The following CDH6 variants were observed in gnomAD, a reference collection of about 807,000 sequenced individuals.
The protein encoded by CDH6 is cadherin-6.
A neutral mutation model predicts 78.0 loss-of-function variants in CDH6; 31 were observed. The ratio of observed to expected loss-of-function variants is 0.40; its 90% CI spans 0.30 to 0.54. The LOEUF is 0.54. Among genes scored for constraint, CDH6 ranks in the 20% least tolerant of loss-of-function variants. The pLI is 0.56. For synonymous variants in CDH6, 376 were observed against 368.8 expected (o/e 1.02, Z -0.23); for missense variants, 724 against 975.9 (o/e 0.74, Z 3.44).
intron 1 of CDH6, among the ~76,000 whole-genome samples, chr5:31,258,767 CA>C (rs1742127497): frequency 6.6e-6 from 1 of 152,126 alleles, no homozygotes; most frequent in African/African-American, 2.4e-5. Flanking sequence ...AGTTTTGTAA[CA>C]ACTCTTTTTA....
At chr5:31,319,905 G>A (rs1014167934) in intron 11 of CDH6, among the ~76,000 whole-genome samples, 8 of 152,160 alleles carry the variant, frequency 5.3e-5, no homozygotes, top group African/African-American at 1.9e-4. Context: ...TGGGCACTGT[G>A]CTATTAATTT....
intron 11 of CDH6, chr5:31,318,899 T>G: frequency 4.4e-6 from 1 of 225,394 alleles, no homozygotes. Flanking sequence ...CTAGCGCTCC[T>G]TCACGCTCCA....
At chr5:31,284,652 C>G (rs940723211) in intron 2 of CDH6, among the ~76,000 whole-genome samples, 1 of 152,178 alleles carries the variant, frequency 6.6e-6, no homozygotes, top group Non-Finnish European at 1.5e-5. Context: ...GAAGACATAG[C>G]CAGACCTCGA....
chr5:31,291,918 T>C (rs1475792399), intron 2 of CDH6, among the ~76,000 whole-genome samples: 3 of 152,222 alleles, frequency 2.0e-5, no homozygotes, highest in Admixed American at 1.3e-4. Flanking sequence ...TCTGCCAAAT[T>C]GCTTTCAAGA....
At position 31,210,396 on chromosome 5, in the gene CDH6, C is replaced by A. The variant is rs562636419; in HGVS notation, c.-129+16510C>A. Among the ~76,000 whole-genome samples the A allele has an allele frequency of 2.6e-5, 4 of 152,184 alleles. No individual in the cohort carries two copies. The South Asian group carries it at 6.2e-4, about 24-fold the overall frequency. On this transcript the variant is annotated intron_variant, in intron 1 of 11. Transcript: ENST00000265071. ...GTGCGTGCCTGTAATCCCAGCTACT[C>A]AGGAGGCTGAGGCAGGAGAATCCCT...
Position 31,316,257 on chromosome 5 carries a change from T to C in CDH6, c.1440T>C (p.Asp480=). The C allele has an allele frequency of 6.2e-7, 1 of 1,613,422 alleles. No homozygotes were observed. Among genetic ancestry groups the C allele is most frequent in the Non-Finnish European group, 8.5e-7 (1 of 1,179,466 alleles). ...TACCTCTATATATTAAAGTTCTAGA[T>C]GTCAATGACAACGCCCCAGAATTTG... is the stretch of plus-strand genomic sequence containing the variant. ...SRVPLYIKVL[D]VNDNAPEFAE... Residue 480 remains aspartate, a synonymous_variant, in exon 9 of 12, where the codon GAT becomes GAC. Coordinates refer to ENST00000265071, the MANE Select transcript of CDH6 (RefSeq NM_004932.4).
rs376956976 is a variant in CDH6, at chr5:31,316,296, A to T, written c.1479A>T (p.Glu493Asp). The T allele has an allele frequency of 3.7e-6, 6 of 1,613,502 alleles. No homozygotes were observed. In the African/African-American group the frequency reaches 8.0e-5, roughly 22 times the overall value. Residue 493 changes from glutamate (E) to aspartate (D), a missense_variant, in exon 9 of 12, where the codon GAA (glutamate) becomes GAT (aspartate). Transcript: ENST00000265071. The stretch of plus-strand genomic sequence containing the variant: ...CCCCAGAATTTGCTGAGTTCTATGA[A>T]ACTTTTGTCTGTGAAAAAGCAAAGG... ...DNAPEFAEFY[E>D]TFVCEKAKAD...
intron 1 of CDH6, among the ~76,000 whole-genome samples, chr5:31,213,547 T>A (rs1740776988): frequency 2.0e-5 from 3 of 152,178 alleles, no homozygotes. Context: ...GATAAACTGC[T>A]GCTTAAACAG....
At chr5:31,317,599 C>A in intron 10 of CDH6, 74 bp from the exon 11 acceptor site, 2 of 1,561,968 alleles carry the variant, frequency 1.3e-6, no homozygotes, top group South Asian at 1.2e-5. Flanking sequence ...CTATATCTAT[C>A]TTTTCTTATC....
Position 31,323,855 on chromosome 5 carries a change from T to C in CDH6, c.*547T>C, listed in dbSNP as rs1327992548. 1 of 230,248 alleles carries C rather than the reference T, an allele frequency of 4.3e-6. No individual in the cohort carries two copies. The highest frequency in any genetic ancestry group is 8.6e-6 in the Non-Finnish European group (1 of 116,306). 14.3% of individuals were successfully genotyped at this position (230,248 alleles called of 1,614,324 possible). On this transcript the variant is annotated 3_prime_UTR_variant, in exon 12 of 12. Coordinates refer to ENST00000265071, the MANE Select transcript of CDH6 (RefSeq NM_004932.4). The stretch of plus-strand genomic sequence containing the variant: ...GAACTTTCTCTGCCATCAACTACTA[T>C]TCAAAACCTCAAATCCACCCATATG...
chr5:31,255,999 C>A (rs943032101), intron 1 of CDH6, among the ~76,000 whole-genome samples: 1 of 152,078 alleles, frequency 6.6e-6, no homozygotes, highest in Non-Finnish European at 1.5e-5. Flanking sequence ...CGCTAACAGG[C>A]AAGTATCTGA....
intron 1 of CDH6, among the ~76,000 whole-genome samples, chr5:31,254,166 G>A (rs1330994651): frequency 1.3e-5 from 2 of 152,126 alleles, no homozygotes. Context: ...CTTAGCCCTC[G>A]TGGTTATCAA....
chr5:31,321,105 A>G (rs1007399245), intron 11 of CDH6, among the ~76,000 whole-genome samples: 10 of 151,952 alleles, frequency 6.6e-5, no homozygotes, highest in Non-Finnish European at 1.5e-4. Flanking sequence ...CCTTCTAACA[A>G]TTTCCTTATT....
chr5:31,245,348 C>A (rs1001035393), intron 1 of CDH6, among the ~76,000 whole-genome samples: 2 of 152,122 alleles, frequency 1.3e-5, no homozygotes, highest in Admixed American at 6.5e-5. Context: ...ATAAATAGAC[C>A]ATCACTGAGT....
At position 31,323,005 on chromosome 5, in the gene CDH6, G is replaced by A; in HGVS notation, c.2070G>A (p.Arg690=). ...PEAIEDNKLR[R]DIVPEALFLP... ...CCATAGAGGACAACAAATTACGAAG[G>A]GACATTGTGCCCGAAGCCCTTTTCC... The change falls in exon 12 of 12, where the codon AGG becomes AGA. Residue 690 remains arginine (R), a synonymous_variant. Transcript: ENST00000265071. 6.2e-7 allele frequency: 1 copy of A among 1,614,126 alleles called. No individual in the cohort carries two copies. Among genetic ancestry groups the A allele is most frequent in the Non-Finnish European group, 8.5e-7 (1 of 1,180,022 alleles).
At chr5:31,199,423 T>TACACACATATGTGTATATATAC (rs60708736) in intron 1 of CDH6, among the ~76,000 whole-genome samples, 17 of 127,596 alleles carry the variant, frequency 1.3e-4, no homozygotes, top group African/African-American at 3.3e-4. Flanking sequence ...TGTATATATG[T>TACACACATATGTGTATATATAC]ACACACATAT....
At chr5:31,271,672 G>A (rs76636084) in intron 2 of CDH6, among the ~76,000 whole-genome samples, 25,436 of 152,078 alleles carry the variant, frequency 0.17, 2,438 homozygotes, top group East Asian at 0.23. Context: ...ATAAAAACGG[G>A]ATGTGATTGT....
At chr5:31,258,891 C>T (rs1254506117) in intron 1 of CDH6, among the ~76,000 whole-genome samples, 1 of 152,186 alleles carries the variant, frequency 6.6e-6, no homozygotes, top group Non-Finnish European at 1.5e-5. Context: ...GCACACACCC[C>T]CTTAGAGTGC....
intron 1 of CDH6, among the ~76,000 whole-genome samples, chr5:31,254,246 G>T (rs1009078157): frequency 4.6e-5 from 7 of 152,182 alleles, no homozygotes; most frequent in South Asian, 4.1e-4. Context: ...GCCCTAAAGT[G>T]CAAAAGTAGT....
Sources: allele counts gnomAD v4.1 joint callset (sites outside exome capture counted in the v4.1 genomes callset), GRCh38; gene constraint gnomAD v4.1.1; transcripts MANE v1.5; gene names NCBI Gene and HGNC (gene_info 2026-07-23, HGNC 2026-07-21).